Variants in PARN observed in about 807,000 individuals in gnomAD.
PARN encodes the protein poly(A)-specific ribonuclease PARN.
PARN carries 71 observed loss-of-function variants against 102.8 expected under a neutral mutation model. That is an observed-to-expected ratio of 0.69 (90% CI 0.57 to 0.84). PARN has a LOEUF of 0.84. Ranked by LOEUF, PARN falls within the 40% of genes least tolerant of loss-of-function variation. The pLI is 0.00. For missense variants in PARN, 782 were observed against 760.9 expected, an observed-to-expected ratio of 1.03 and a Z score of -0.33; for synonymous variants, 261 against 252.9, an observed-to-expected ratio of 1.03 and a Z score of -0.30.
chr16:14,519,038 G>A (rs1965602834), intron 21 of PARN, among the ~76,000 whole-genome samples: 1 of 151,870 alleles, frequency 6.6e-6, no homozygotes, highest in Admixed American at 6.6e-5. Flanking sequence ...GTTATTCTGA[G>A]GCTGTGGGGT....
At chr16:14,629,060 C>T (rs1972859335) in intron 2 of PARN, among the ~76,000 whole-genome samples, 1 of 152,112 alleles carries the variant, frequency 6.6e-6, no homozygotes, top group South Asian at 2.1e-4. Context: ...TGTAAGATTC[C>T]ACTTATATGA....
intron 21 of PARN, among the ~76,000 whole-genome samples, chr16:14,504,326 G>A (rs879816630): frequency 6.6e-6 from 1 of 152,168 alleles, no homozygotes. Flanking sequence ...TTTGGCGACC[G>A]AGGTGGGTGA....
chr16:14,589,362 G>C (rs974627152), intron 13 of PARN, among the ~76,000 whole-genome samples: 1 of 151,666 alleles, frequency 6.6e-6, no homozygotes, highest in Non-Finnish European at 1.5e-5. Flanking sequence ...GCAGGAGTTC[G>C]AGAGCAGCCT....
At chr16:14,536,247 T>C (rs1966601393) in intron 21 of PARN, among the ~76,000 whole-genome samples, 1 of 152,248 alleles carries the variant, frequency 6.6e-6, no homozygotes, top group Non-Finnish European at 1.5e-5. Flanking sequence ...CAGATTTCAT[T>C]TTTTAAAACT....
At chr16:14,465,961 A>C (rs1962317582) in intron 22 of PARN, among the ~76,000 whole-genome samples, 1 of 152,188 alleles carries the variant, frequency 6.6e-6, no homozygotes, top group African/African-American at 2.4e-5. Context: ...TCCAAAATGG[A>C]CACAAAGCGG....
At chr16:14,596,715 AACAG>A (rs1487143044) in intron 12 of PARN, among the ~76,000 whole-genome samples, 3 of 151,974 alleles carry the variant, frequency 2.0e-5, no homozygotes, top group Admixed American at 6.6e-5. Flanking sequence ...CAGCTTGGGG[AACAG>A]ACAGAGACTG....
intron 21 of PARN, among the ~76,000 whole-genome samples, chr16:14,546,956 G>A (rs905091688): frequency 5.9e-5 from 9 of 152,094 alleles, no homozygotes; most frequent in African/African-American, 1.7e-4. Flanking sequence ...AGCCAGGTGT[G>A]GTGGCGTGCA....
At chr16:14,629,406 C>A (rs1025504292) in intron 2 of PARN, among the ~76,000 whole-genome samples, 191 bp downstream of exon 2, 1 of 152,236 alleles carries the variant, frequency 6.6e-6, no homozygotes, top group African/African-American at 2.4e-5. Context: ...CAATCACAAA[C>A]CTACGGCGTA....
rs139386481 is a variant in PARN, at chr16:14,594,591, C to CT, written c.841-1214dup. On this transcript the variant is annotated intron_variant, in intron 12 of 23. Transcript: ENST00000437198. ...ATTAGCTGGGTGTGGTGGCAGATGC[C>CT]TGTAATCTCAGCAACTCGGGAGGCT... Among the ~76,000 whole-genome samples, 515 of 152,222 alleles carry CT rather than the reference C, an allele frequency of 3.4e-3. 6 individuals carry two copies. The highest frequency in any genetic ancestry group is 0.016 in the East Asian group (82 of 5,176).
At chr16:14,556,993 G>A (rs1332383533) in intron 18 of PARN, among the ~76,000 whole-genome samples, 1 of 152,080 alleles carries the variant, frequency 6.6e-6, no homozygotes, top group Non-Finnish European at 1.5e-5. Context: ...CTTCCAAAAT[G>A]GGTACAAAGG....
intron 14 of PARN, among the ~76,000 whole-genome samples, chr16:14,585,151 G>A (rs1009428005): frequency 2.6e-5 from 4 of 152,172 alleles, no homozygotes; most frequent in South Asian, 2.1e-4. Flanking sequence ...ATGGTTTTAC[G>A]TGGTTCAAAT....
chr16:14,523,865 G>A (rs190916135), intron 21 of PARN, among the ~76,000 whole-genome samples: 1 of 152,104 alleles, frequency 6.6e-6, no homozygotes, highest in Non-Finnish European at 1.5e-5. Flanking sequence ...GCATTGCTGT[G>A]TGAACACCAT....
chr16:14,612,062 G>A (rs541924190), intron 6 of PARN, among the ~76,000 whole-genome samples: 2 of 152,156 alleles, frequency 1.3e-5, no homozygotes, highest in South Asian at 2.1e-4. Context: ...CAGGGTAGAA[G>A]GAGACAGTGA....
intron 6 of PARN, among the ~76,000 whole-genome samples, chr16:14,611,972 T>C (rs967562379): frequency 2.0e-5 from 3 of 152,172 alleles, no homozygotes; most frequent in Non-Finnish European, 4.4e-5. Flanking sequence ...TGTACGGGCA[T>C]AGCTGTAGTC....
intron 6 of PARN, among the ~76,000 whole-genome samples, chr16:14,614,993 A>G (rs1220653306): frequency 1.3e-5 from 2 of 151,980 alleles, no homozygotes; most frequent in Admixed American, 6.6e-5. Flanking sequence ...GGGGATGGAG[A>G]AGGCTACAGG....
At chr16:14,608,918 T>C in intron 8 of PARN, 140 bp downstream of exon 8, 1 of 622,628 alleles carries the variant, frequency 1.6e-6, no homozygotes. Context: ...AACGCTAAAG[T>C]TAGTGTTTAA....
In PARN at chr16:14,448,444, G is replaced by C. The variant is rs559958499; in HGVS notation, c.1671-1363C>G. Reference sequence around the variant, plus strand: ...TTACAGGCTTGAGTTACCACGCCCGGCCTCTGCTAATTTTTGTATTTTTAG... The same window carrying C: ...TTACAGGCTTGAGTTACCACGCCCGCCCTCTGCTAATTTTTGTATTTTTAG... On this transcript the variant is annotated intron_variant, in intron 22 of 23. Coordinates refer to ENST00000437198, the MANE Select transcript of PARN (RefSeq NM_002582.4). 3.3e-5 allele frequency among the ~76,000 whole-genome samples: 5 copies of C among 152,146 alleles called. No homozygotes were observed. In the South Asian group the frequency reaches 1.0e-3, roughly 32 times the overall value.
chr16:14,602,641 C>T (rs779601768), intron 11 of PARN, among the ~76,000 whole-genome samples: 4 of 152,116 alleles, frequency 2.6e-5, no homozygotes, highest in African/African-American at 4.8e-5. Context: ...GTCTTGGCCA[C>T]AGACTCATCT....
At chr16:14,576,647 A>G (rs1969162132) in intron 18 of PARN, among the ~76,000 whole-genome samples, 1 of 152,254 alleles carries the variant, frequency 6.6e-6, no homozygotes, top group African/African-American at 2.4e-5. Flanking sequence ...CCAAAGCTAT[A>G]AAAGCAGGTA....
Sources: gnomAD v4.1 joint callset for allele counts (sites outside exome capture counted in the v4.1 genomes callset) on GRCh38, gnomAD v4.1.1 for gene constraint, MANE v1.5 for transcripts, NCBI Gene and HGNC (gene_info 2026-07-23, HGNC 2026-07-21) for gene names.